PLXNA4: variants seen among roughly 807,000 people sequenced by gnomAD.
PLXNA4 encodes plexin-A4.
PLXNA4 carries 44 observed loss-of-function variants against 191.8 expected under a neutral mutation model. The ratio of observed to expected loss-of-function variants is 0.23; its 90% CI spans 0.18 to 0.29. PLXNA4 has a LOEUF of 0.29. PLXNA4 is among the 10% of genes least tolerant of loss of function. The pLI is 1.00. For missense variants in PLXNA4, 1,800 were observed against 2,488.8 expected, an observed-to-expected ratio of 0.72 and a Z score of 5.89; for synonymous variants, 1,082 against 1,009.5, an observed-to-expected ratio of 1.07 and a Z score of -1.36.
intron 3 of PLXNA4, among the ~76,000 whole-genome samples, chr7:132,424,474 G>T (rs953904648): frequency 1.3e-5 from 2 of 152,158 alleles, no homozygotes; most frequent in African/African-American, 2.4e-5. Flanking sequence ...CTTCTGTAGG[G>T]ACCAAAATCT....
At chr7:132,629,501 G>A (rs1447836339) in intron 2 of PLXNA4, among the ~76,000 whole-genome samples, 1 of 152,176 alleles carries the variant, frequency 6.6e-6, no homozygotes, top group African/African-American at 2.4e-5. Flanking sequence ...TGAGTTTCTG[G>A]AGTGAGGTCC....
chr7:132,201,417 T>C (rs930619103), intron 12 of PLXNA4, among the ~76,000 whole-genome samples: 3 of 152,176 alleles, frequency 2.0e-5, no homozygotes, highest in Non-Finnish European at 2.9e-5. Flanking sequence ...CACAAATATA[T>C]GGCCTATGAC....
intron 1 of PLXNA4, among the ~76,000 whole-genome samples, chr7:132,563,856 CCT>C (rs1801538096): frequency 8.7e-6 from 1 of 114,504 alleles, no homozygotes; most frequent in Non-Finnish European, 1.8e-5. Flanking sequence ...TGCTGCTCCT[CCT>C]CCTCCTCTCC....
At chr7:132,624,295 T>C (rs1039543346) in intron 2 of PLXNA4, among the ~76,000 whole-genome samples, 2 of 152,186 alleles carry the variant, frequency 1.3e-5, no homozygotes, top group Non-Finnish European at 2.9e-5. Context: ...TAGCATACTA[T>C]TCATTAAGAT....
chr7:132,249,234 C>T (rs1799163703), intron 4 of PLXNA4, among the ~76,000 whole-genome samples: 1 of 152,196 alleles, frequency 6.6e-6, no homozygotes, highest in Non-Finnish European at 1.5e-5. Flanking sequence ...CCTGCTCTGC[C>T]TTAAAGAATT....
intron 3 of PLXNA4, among the ~76,000 whole-genome samples, chr7:132,394,173 T>C (rs1375869606): frequency 6.6e-6 from 1 of 152,150 alleles, no homozygotes; most frequent in Non-Finnish European, 1.5e-5. Context: ...TGCTCTTGCA[T>C]ACAGCCCCTG....
rs77332208 is a variant in PLXNA4, at chr7:132,164,784, G to T, written c.4353+350C>A. Among the ~76,000 whole-genome samples the T allele has an allele frequency of 3.9e-5, 6 of 152,362 alleles. No homozygotes were observed. In the East Asian group the frequency reaches 1.2e-3, roughly 29 times the overall value. On this transcript the variant is annotated intron_variant, in intron 23 of 31. Coordinates refer to ENST00000321063, the MANE Select transcript of PLXNA4 (RefSeq NM_020911.2). Reference sequence around the variant, plus strand: ...CGGCCGGGGGGCCTTATCAGCCTCAGTAAGTCTGGGGCTGGGAGAGGGAAG... The same window carrying T: ...CGGCCGGGGGGCCTTATCAGCCTCATTAAGTCTGGGGCTGGGAGAGGGAAG...
In PLXNA4 at chr7:132,240,017, T is replaced by A. The variant is rs7804442; in HGVS notation, c.1604+1049A>T. ...GGGTGTTTCCGAATTTTAAGGGCAC[T>A]CTTTGCAAAGGGGAGGGGAGAAGAC... On this transcript the variant is annotated intron_variant, in intron 5 of 31. Transcript: ENST00000321063. 9.3e-3 allele frequency among the ~76,000 whole-genome samples: 1,411 copies of A among 152,284 alleles called. 21 individuals are homozygous for A. The highest frequency in any genetic ancestry group is 0.031 in the African/African-American group (1,307 of 41,556).
intron 30 of PLXNA4, among the ~76,000 whole-genome samples, chr7:132,133,590 G>A (rs1360620329): frequency 6.6e-6 from 1 of 152,094 alleles, no homozygotes; most frequent in Non-Finnish European, 1.5e-5. Flanking sequence ...AGCAGGGCCC[G>A]AAGGCTCTTC....
intron 29 of PLXNA4, 61 bp downstream of exon 29, chr7:132,145,058 T>A: frequency 6.2e-7 from 1 of 1,610,870 alleles, no homozygotes. Flanking sequence ...CCCACCACCA[T>A]TAACTTGAGG....
chr7:132,564,131 T>C (rs148802725), intron 1 of PLXNA4, among the ~76,000 whole-genome samples: 1 of 68,642 alleles, frequency 1.5e-5, no homozygotes, highest in Non-Finnish European at 2.6e-5. Flanking sequence ...TTCTTTCTCC[T>C]CCTCCTTCTC....
At chr7:132,375,460 T>C (rs994435524) in intron 3 of PLXNA4, among the ~76,000 whole-genome samples, 7 of 152,180 alleles carry the variant, frequency 4.6e-5, no homozygotes, top group African/African-American at 9.7e-5. Flanking sequence ...GCAAATACCA[T>C]GTGCATGTTC....
chr7:132,422,964 C>T (rs1321468507), intron 3 of PLXNA4, among the ~76,000 whole-genome samples: 1 of 152,216 alleles, frequency 6.6e-6, no homozygotes, highest in Non-Finnish European at 1.5e-5. Flanking sequence ...GGCTTCTCCA[C>T]CTCATCAGAG....
At chr7:132,571,576 C>T (rs1363043531) in intron 1 of PLXNA4, among the ~76,000 whole-genome samples, 1 of 152,132 alleles carries the variant, frequency 6.6e-6, no homozygotes, top group Admixed American at 6.5e-5. Context: ...AGAATCTTTG[C>T]CCAAGAGTGA....
chr7:132,297,662 T>C (rs1801140385), intron 4 of PLXNA4, among the ~76,000 whole-genome samples: 1 of 152,124 alleles, frequency 6.6e-6, no homozygotes, highest in South Asian at 2.1e-4. Flanking sequence ...GTCCTGACCA[T>C]GGTGTTCCCT....
At chr7:132,172,119 C>T (rs1796304922) in intron 21 of PLXNA4, among the ~76,000 whole-genome samples, 1 of 152,164 alleles carries the variant, frequency 6.6e-6, no homozygotes. Flanking sequence ...AACAGTTCCT[C>T]ACTGTTGCCT....
chr7:132,508,952 G>A lies in PLXNA4; in HGVS notation c.-86-173C>T, dbSNP rs1298397083. On this transcript the variant is annotated intron_variant, in intron 1 of 31. Transcript: ENST00000321063. The surrounding 1 kb of genome is among the most constrained non-coding windows in gnomAD (Gnocchi z 4.4). ...ACCACGGGCATGTGACACAGTCAGAGCCGGGTGGCAGCAGCCCCAGGAGGA... is the reference window on the plus strand; with the variant it reads ...ACCACGGGCATGTGACACAGTCAGAACCGGGTGGCAGCAGCCCCAGGAGGA... Among the ~76,000 whole-genome samples the A allele has an allele frequency of 6.6e-6, 1 of 152,230 alleles. No individual in the cohort carries two copies. Among genetic ancestry groups the A allele is most frequent in the African/African-American group, 2.4e-5 (1 of 41,466 alleles).
upstream of PLXNA4, among the ~76,000 whole-genome samples, chr7:132,582,158 C>A (rs565492225): frequency 2.6e-5 from 4 of 152,186 alleles, no homozygotes; most frequent in East Asian, 7.7e-4. Flanking sequence ...TTCACGTCTC[C>A]CACATGGCAC....
chr7:132,629,151 A>C (rs1386349679), intron 2 of PLXNA4, among the ~76,000 whole-genome samples: 3 of 152,186 alleles, frequency 2.0e-5, no homozygotes, highest in African/African-American at 7.2e-5. Context: ...CTCAGAGAGG[A>C]ATACTTAGAA....
Sources: allele counts gnomAD v4.1 joint callset (sites outside exome capture counted in the v4.1 genomes callset), GRCh38; gene constraint gnomAD v4.1.1; non-coding constraint Gnocchi (gnomAD v3.1); transcripts MANE v1.5; gene names NCBI Gene and HGNC (gene_info 2026-07-23, HGNC 2026-07-21).